The following SLC14A2 variants were observed in gnomAD, a reference collection of about 807,000 sequenced individuals.
The protein encoded by SLC14A2 is solute carrier family 14 member 2, also known as urea transporter 2.
Under a neutral mutation model 104.6 loss-of-function variants are expected in SLC14A2, and 91 were observed. The observed-to-expected ratio is 0.87, with a 90% CI of 0.73 to 1.04. The LOEUF (loss-of-function observed/expected upper bound fraction) is 1.04, where lower values mean the gene tolerates loss of function less well. SLC14A2 is among the 50% of genes least tolerant of loss of function. The probability of loss-of-function intolerance (pLI) is 0.00; values close to 1 mark genes in which losing one functional copy is unlikely to be tolerated. For missense variants in SLC14A2, 1,189 were observed against 1,156.0 expected (o/e 1.03, Z -0.41); for synonymous variants, 476 against 466.4 (o/e 1.02, Z -0.27).
intron 2 of SLC14A2, among the ~76,000 whole-genome samples, chr18:45,539,962 A>C (rs892871588): frequency 4.6e-5 from 7 of 152,190 alleles, no homozygotes; most frequent in African/African-American, 1.7e-4. Context: ...CTGTATGTGA[A>C]ACAGGGAATG....
intron 1 of SLC14A2, among the ~76,000 whole-genome samples, chr18:45,341,622 T>TG (rs2085396767): frequency 6.9e-6 from 1 of 143,964 alleles, no homozygotes; most frequent in African/African-American, 2.6e-5. Flanking sequence ...TTTTTTTTTT[T>TG]GAGATGGACT....
At chr18:45,220,186 C>A (rs780329869) in intron 1 of SLC14A2, among the ~76,000 whole-genome samples, 2 of 152,164 alleles carry the variant, frequency 1.3e-5, no homozygotes. Flanking sequence ...AAGCAAGCAG[C>A]TGATTTGGAA....
At chr18:45,600,308 G>A (rs945248820) in intron 2 of SLC14A2, among the ~76,000 whole-genome samples, 43 of 151,840 alleles carry the variant, frequency 2.8e-4, no homozygotes, top group Non-Finnish European at 7.4e-5. Context: ...AGACCATCAC[G>A]GGAACCCAGG....
chr18:45,293,262 T>C (rs947511097), intron 1 of SLC14A2, among the ~76,000 whole-genome samples: 1 of 152,204 alleles, frequency 6.6e-6, no homozygotes, highest in Non-Finnish European at 1.5e-5. Flanking sequence ...AGTCTGGTGT[T>C]ATTTCATTCA....
intron 1 of SLC14A2, among the ~76,000 whole-genome samples, chr18:45,223,545 C>T (rs1184939590): frequency 6.6e-6 from 1 of 152,178 alleles, no homozygotes; most frequent in Non-Finnish European, 1.5e-5. Context: ...CAGACAGGGT[C>T]TTCTTTCCAA....
At chr18:45,470,732 T>C (rs972187545) in intron 1 of SLC14A2, among the ~76,000 whole-genome samples, 3 of 152,164 alleles carry the variant, frequency 2.0e-5, no homozygotes, top group Non-Finnish European at 4.4e-5. Flanking sequence ...CCTCTCATTT[T>C]TCTACTCTTA....
chr18:45,414,757 A>AAAAAAT (rs1360051908), intron 1 of SLC14A2, among the ~76,000 whole-genome samples: 39 of 76,076 alleles, frequency 5.1e-4, no homozygotes, highest in African/African-American at 1.6e-3. Flanking sequence ...AAAAAAAAAA[A>AAAAAAT]ATATATATAT....
At position 45,682,705 on chromosome 18, in the gene SLC14A2, GAT is replaced by G. The variant is rs2046329789; in HGVS notation, c.*189_*190del. ...TCTAAGATGCACAACACTTATCAAA[GAT>G]ATGTTTAGTTTAGACTTTATACCCT... On this transcript the variant is annotated 3_prime_UTR_variant, in exon 20 of 20. Transcript: ENST00000255226. 3 of 597,892 alleles carry G rather than the reference GAT, an allele frequency of 5.0e-6. 1 individual carries two copies. In the East Asian group the frequency reaches 8.6e-5, roughly 17 times the overall value. The allele number at this position is 597,892 out of a possible 1,614,324, so 37.0% of individuals were successfully genotyped here.
chr18:45,649,754 T>C (rs563816078), intron 10 of SLC14A2, among the ~76,000 whole-genome samples: 2 of 152,372 alleles, frequency 1.3e-5, no homozygotes, highest in East Asian at 1.9e-4. Flanking sequence ...CTCCCCTCAG[T>C]GGTCTCTAGA....
chr18:45,484,172 G>T (rs868559874), intron 2 of SLC14A2, among the ~76,000 whole-genome samples: 18 of 152,186 alleles, frequency 1.2e-4, no homozygotes, highest in Admixed American at 1.3e-4. Context: ...ACTCTGAGTT[G>T]TATGTTAGGT....
intron 1 of SLC14A2, among the ~76,000 whole-genome samples, chr18:45,617,584 C>T (rs953060468): frequency 1.3e-5 from 2 of 152,208 alleles, no homozygotes; most frequent in Admixed American, 6.5e-5. Flanking sequence ...GAGTAAGGCA[C>T]CTCTCAGCCC....
At chr18:45,454,663 C>T (rs2086912674) in intron 1 of SLC14A2, among the ~76,000 whole-genome samples, 1 of 152,144 alleles carries the variant, frequency 6.6e-6, no homozygotes, top group South Asian at 2.1e-4. Context: ...TTTAATCCAC[C>T]TTGAGTTAAT....
At chr18:45,188,579 C>T in the SLC14A2 span, among the ~76,000 whole-genome samples, 1 of 152,178 alleles carries the variant, frequency 6.6e-6, no homozygotes, top group African/African-American at 2.4e-5. Flanking sequence ...CATTGCCCAT[C>T]ACAGGACCTC....
chr18:45,531,788 T>C (rs2043693051), intron 2 of SLC14A2, among the ~76,000 whole-genome samples: 1 of 152,184 alleles, frequency 6.6e-6, no homozygotes, highest in Non-Finnish European at 1.5e-5. Context: ...GCCTATGTCC[T>C]GAATGGTAAT....
At chr18:45,648,284 C>CA (rs2144578283) in intron 10 of SLC14A2, among the ~76,000 whole-genome samples, 1 of 145,640 alleles carries the variant, frequency 6.9e-6, no homozygotes, top group South Asian at 2.3e-4. Context: ...GGGCTCACTG[C>CA]AAGCTCCGCC....
intron 1 of SLC14A2, among the ~76,000 whole-genome samples, chr18:45,464,189 C>T (rs369817371): frequency 6.6e-6 from 1 of 152,198 alleles, no homozygotes; most frequent in African/African-American, 2.4e-5. Flanking sequence ...TCCTCAGGAA[C>T]CTAAATATCT....
At chr18:45,625,949 C>T in intron 3 of SLC14A2, 86 bp downstream of exon 3, 1 of 1,048,534 alleles carries the variant, frequency 9.5e-7, no homozygotes, top group Non-Finnish European at 1.3e-6. Flanking sequence ...AAGCTTCTCC[C>T]TCACTCATTC....
At chr18:45,627,665 C>A (rs1568304564) in intron 4 of SLC14A2, among the ~76,000 whole-genome samples, 1 of 152,110 alleles carries the variant, frequency 6.6e-6, no homozygotes, top group African/African-American at 2.4e-5. Context: ...GGCATAGATA[C>A]AGATGTGGAA....
intron 1 of SLC14A2, among the ~76,000 whole-genome samples, chr18:45,461,385 A>T (rs1459859512): frequency 1.3e-5 from 2 of 152,056 alleles, no homozygotes; most frequent in Non-Finnish European, 2.9e-5. Flanking sequence ...TGAGCAATTA[A>T]TTAGTGAGAA....
Sources: gnomAD v4.1 joint callset for allele counts (sites outside exome capture counted in the v4.1 genomes callset) on GRCh38, gnomAD v4.1.1 for gene constraint, MANE v1.5 for transcripts, NCBI Gene and HGNC (gene_info 2026-07-23, HGNC 2026-07-21) for gene names.